The following CACNB2 variants were observed in gnomAD, a reference collection of about 807,000 sequenced individuals.
CACNB2 encodes voltage-dependent L-type calcium channel subunit beta-2.
CACNB2 carries 42 observed loss-of-function variants against 73.3 expected under a neutral mutation model. That is an observed-to-expected ratio of 0.57 (90% confidence interval 0.45 to 0.74). CACNB2 has a LOEUF of 0.74. CACNB2 is among the 30% of genes least tolerant of loss of function. The pLI is 0.00. For synonymous variants in CACNB2, 348 were observed against 310.3 expected (o/e 1.12, Z -1.28); for missense variants, 940 against 853.0 (o/e 1.10, Z -1.27).
intron 3 of CACNB2, among the ~76,000 whole-genome samples, chr10:18,458,495 C>T (rs946311711): frequency 6.6e-6 from 1 of 152,178 alleles, no homozygotes; most frequent in African/African-American, 2.4e-5. Flanking sequence ...TCAATACATG[C>T]TGGGTACATA....
chr10:18,505,046 A>G lies in CACNB2; in HGVS notation c.594-1425A>G, dbSNP rs975176468. On this transcript the variant is annotated intron_variant, in intron 5 of 13. Coordinates refer to ENST00000324631, the MANE Select transcript of CACNB2 (RefSeq NM_201596.3). ...AAATTATAAAAATTGACAGAACTCAATGGAAATGGAATTGGGGTACCGTTC... is the reference window on the plus strand; with the variant it reads ...AAATTATAAAAATTGACAGAACTCAGTGGAAATGGAATTGGGGTACCGTTC... 7.9e-5 allele frequency among the ~76,000 whole-genome samples: 12 copies of G among 152,310 alleles called. No individual in the cohort carries two copies. In the Middle Eastern group the frequency reaches 0.01, roughly 130 times the overall value.
intron 2 of CACNB2, among the ~76,000 whole-genome samples, chr10:18,326,907 G>C (rs1370584628): frequency 6.6e-6 from 1 of 151,930 alleles, no homozygotes; most frequent in East Asian, 1.9e-4. Flanking sequence ...TTGTATTTTT[G>C]GTAGAGACGG....
intron 2 of CACNB2, among the ~76,000 whole-genome samples, chr10:18,259,223 A>G (rs996985013): frequency 1.3e-5 from 2 of 152,154 alleles, no homozygotes; most frequent in Admixed American, 6.5e-5. Context: ...TGTCACCTCT[A>G]TCAACCTCTT....
intron 2 of CACNB2, among the ~76,000 whole-genome samples, chr10:18,285,152 C>T (rs944720823): frequency 3.9e-5 from 6 of 152,254 alleles, no homozygotes; most frequent in South Asian, 2.1e-4. Flanking sequence ...ATGCACCTCT[C>T]CCAACCCATG....
intron 2 of CACNB2, among the ~76,000 whole-genome samples, chr10:18,348,334 A>G (rs1462119967): frequency 6.6e-6 from 1 of 152,228 alleles, no homozygotes; most frequent in East Asian, 1.9e-4. Flanking sequence ...TTAGAGAATA[A>G]TTTTGTCAAA....
intron 3 of CACNB2, among the ~76,000 whole-genome samples, chr10:18,496,523 A>G (rs1309255784): frequency 6.6e-6 from 1 of 152,142 alleles, no homozygotes; most frequent in Non-Finnish European, 1.5e-5. Flanking sequence ...TTTTTAAAGA[A>G]TAGGTTAAGC....
At chr10:18,347,244 C>G (rs781691024) in intron 2 of CACNB2, among the ~76,000 whole-genome samples, 48 of 151,734 alleles carry the variant, frequency 3.2e-4, no homozygotes, top group Non-Finnish European at 5.4e-4. Flanking sequence ...GTGGTGAGAT[C>G]TTGGCTCAAT....
intron 2 of CACNB2, among the ~76,000 whole-genome samples, chr10:18,173,944 T>G (rs1402628864): frequency 6.6e-6 from 1 of 152,200 alleles, no homozygotes; most frequent in East Asian, 1.9e-4. Context: ...TGTTGGTGAG[T>G]CTCAGATGGC....
At chr10:18,501,325 G>A (rs961009107) in intron 5 of CACNB2, among the ~76,000 whole-genome samples, 3 of 152,242 alleles carry the variant, frequency 2.0e-5, no homozygotes, top group Non-Finnish European at 4.4e-5. Context: ...GGAGATGTTT[G>A]AGAGATGACA....
intron 2 of CACNB2, among the ~76,000 whole-genome samples, chr10:18,388,353 A>C (rs1026715856): frequency 1.6e-4 from 25 of 152,186 alleles, no homozygotes; most frequent in African/African-American, 6.0e-4. Context: ...ATAATCTAAA[A>C]TTTACAGCCT....
intron 3 of CACNB2, among the ~76,000 whole-genome samples, chr10:18,405,292 G>A (rs867908432): frequency 3.2e-4 from 48 of 152,054 alleles, no homozygotes; most frequent in African/African-American, 1.0e-3. Context: ...GTCCCCATGC[G>A]TAGAACCACT....
intron 3 of CACNB2, among the ~76,000 whole-genome samples, chr10:18,475,354 T>A (rs746537032): frequency 6.6e-6 from 1 of 152,088 alleles, no homozygotes; most frequent in Non-Finnish European, 1.5e-5. Context: ...CACTTTAATA[T>A]TACGGTTGGT....
chr10:18,145,527 ACAATAT>A (rs2030876044), intron 1 of CACNB2, among the ~76,000 whole-genome samples: 1 of 152,138 alleles, frequency 6.6e-6, no homozygotes. Context: ...TGTTGTTCTT[ACAATAT>A]CATGCTCATT....
At chr10:18,514,531 G>C (rs544997684) in intron 7 of CACNB2, 162 bp downstream of exon 7, 1 of 1,613,794 alleles carries the variant, frequency 6.2e-7, no homozygotes, top group Non-Finnish European at 8.5e-7. Flanking sequence ...GCAGAAATCG[G>C]TAAGTTTACA....
At chr10:18,167,214 A>G (rs1279142530) in intron 2 of CACNB2, among the ~76,000 whole-genome samples, 1 of 152,184 alleles carries the variant, frequency 6.6e-6, no homozygotes, top group Non-Finnish European at 1.5e-5. Flanking sequence ...CAAACACTGC[A>G]TGTTCTCACT....
intron 2 of CACNB2, among the ~76,000 whole-genome samples, chr10:18,393,637 C>G: frequency 6.6e-6 from 1 of 152,232 alleles, no homozygotes; most frequent in African/African-American, 2.4e-5. Context: ...TGAATCCTAG[C>G]CACTTTCAGG....
chr10:18,438,796 G>C (rs2046276227), intron 3 of CACNB2, among the ~76,000 whole-genome samples: 1 of 152,200 alleles, frequency 6.6e-6, no homozygotes, highest in African/African-American at 2.4e-5. Context: ...TTCCTCTTTA[G>C]ATTTTTTCTT....
chr10:18,155,585 T>TAGGTAATATGGCATGCC (rs2031979010), intron 2 of CACNB2, among the ~76,000 whole-genome samples: 1 of 152,184 alleles, frequency 6.6e-6, no homozygotes, highest in Non-Finnish European at 1.5e-5. Flanking sequence ...AGTGGAATGC[T>TAGGTAATATGGCATGCC]AGGTAATATG....
intron 2 of CACNB2, among the ~76,000 whole-genome samples, chr10:18,246,785 T>C (rs187256307): frequency 6.6e-6 from 1 of 152,174 alleles, no homozygotes; most frequent in Admixed American, 6.5e-5. Context: ...TGTTTGTTTG[T>C]TTGTTTTGTA....
Sources: gnomAD v4.1 joint callset for allele counts (sites outside exome capture counted in the v4.1 genomes callset) on GRCh38, gnomAD v4.1.1 for gene constraint, MANE v1.5 for transcripts, NCBI Gene and HGNC (gene_info 2026-07-23, HGNC 2026-07-21) for gene names.